FARP1: variants seen among roughly 807,000 people sequenced by gnomAD.
The protein encoded by FARP1 is FERM, ARHGEF and pleckstrin domain-containing protein 1.
In FARP1, 52 loss-of-function variants were observed where a neutral mutation model predicts 128.8. The ratio of observed to expected loss-of-function variants is 0.40; its 90% CI spans 0.32 to 0.51. The LOEUF is 0.51. Among genes scored for constraint, FARP1 ranks in the 20% least tolerant of loss-of-function variants. FARP1 has a pLI of 0.45. For synonymous variants in FARP1, 580 were observed against 551.8 expected, an observed-to-expected ratio of 1.05 and a Z score of -0.72; for missense variants, 1,333 against 1,367.9, an observed-to-expected ratio of 0.97 and a Z score of 0.40.
At chr13:98,177,609 T>C (rs1395895878) in intron 1 of FARP1, among the ~76,000 whole-genome samples, 2 of 151,496 alleles carry the variant, frequency 1.3e-5, no homozygotes, top group Non-Finnish European at 2.9e-5. Flanking sequence ...ATCACGCCAC[T>C]GTACTCTAGC....
In FARP1 at chr13:98,448,220, C is replaced by T. The variant is rs9517310; in HGVS notation, c.3057-16C>T. On this transcript the variant is annotated splice_polypyrimidine_tract_variant and intron_variant, in intron 26 of 26. Transcript: ENST00000319562. ...TCCAAACAAAAGGTTGACTAACTGGCGTTCCCGTGTTGCAGGTGGATGGAA... is the reference window on the plus strand; with the variant it reads ...TCCAAACAAAAGGTTGACTAACTGGTGTTCCCGTGTTGCAGGTGGATGGAA... 0.28 allele frequency: 447,347 copies of T among 1,607,738 alleles called. 64,944 individuals are homozygous for T. The highest frequency in any genetic ancestry group is 0.3 in the Non-Finnish European group (355,944 of 1,174,466).
At chr13:98,336,110 G>C (rs565016879) in intron 2 of FARP1, among the ~76,000 whole-genome samples, 2 of 152,280 alleles carry the variant, frequency 1.3e-5, no homozygotes, top group South Asian at 2.1e-4. Flanking sequence ...GGTAGGGAGA[G>C]GGAGAATATA....
intron 6 of FARP1, among the ~76,000 whole-genome samples, chr13:98,382,805 G>A (rs748079045): frequency 1.3e-5 from 2 of 151,700 alleles, no homozygotes; most frequent in Non-Finnish European, 2.9e-5. Context: ...TCGCATTTTT[G>A]TGCATGTTTT....
intron 2 of FARP1, among the ~76,000 whole-genome samples, chr13:98,213,918 G>A (rs1880896954): frequency 6.6e-6 from 1 of 152,146 alleles, no homozygotes; most frequent in African/African-American, 2.4e-5. Context: ...AGGGAATCAG[G>A]AGAGCCTGTG....
chr13:98,255,227 C>T (rs1300696658), intron 2 of FARP1, among the ~76,000 whole-genome samples: 3 of 151,946 alleles, frequency 2.0e-5, no homozygotes, highest in Admixed American at 6.6e-5. Flanking sequence ...TGGCCGGGCA[C>T]GGTGGCTCAC....
At chr13:98,177,002 C>G (rs758424880) in intron 1 of FARP1, 1 of 1,597,604 alleles carries the variant, frequency 6.3e-7, no homozygotes, top group East Asian at 2.2e-5. Context: ...CCCCTCCTGT[C>G]GCCGTGAGCC....
At chr13:98,292,672 G>T (rs1411127207) in intron 2 of FARP1, among the ~76,000 whole-genome samples, 2 of 152,176 alleles carry the variant, frequency 1.3e-5, no homozygotes, top group African/African-American at 4.8e-5. Context: ...CAGTACTGAT[G>T]GAGAACATAG....
At chr13:98,278,187 G>C (rs1020994227) in intron 2 of FARP1, among the ~76,000 whole-genome samples, 3 of 151,248 alleles carry the variant, frequency 2.0e-5, no homozygotes, top group African/African-American at 7.3e-5. Flanking sequence ...GTGTGTGTGT[G>C]TGTATGTTCT....
chr13:98,393,497 A>G, intron 11 of FARP1, 146 bp from the exon 12 acceptor site: 1 of 646,468 alleles, frequency 1.5e-6, no homozygotes, highest in Non-Finnish European at 2.8e-6. Flanking sequence ...GTTTCCAAGT[A>G]GCATTTGTAA....
rs965019304 is a variant in FARP1, at chr13:98,393,605, C to G, written c.1089-38C>G. ...AAACCAAGGAAAAAGAAACAAAAAC[C>G]TCACCTAACTTTAATGATCTTGTGT... On this transcript the variant is annotated intron_variant, in intron 11 of 26. Coordinates refer to ENST00000319562, the MANE Select transcript of FARP1 (RefSeq NM_005766.4). 1.9e-6 allele frequency: 3 copies of G among 1,539,032 alleles called. No individual in the cohort carries two copies. The African/African-American group carries it at 4.1e-5, about 21-fold the overall frequency.
intron 3 of FARP1, among the ~76,000 whole-genome samples, chr13:98,355,525 T>C (rs928609960): frequency 1.3e-5 from 2 of 152,124 alleles, no homozygotes; most frequent in African/African-American, 4.8e-5. Flanking sequence ...ATGCACATTC[T>C]CAGGGCCGCA....
intron 2 of FARP1, among the ~76,000 whole-genome samples, chr13:98,317,996 A>ATCCTCC (rs1461768016): frequency 1.0e-5 from 1 of 97,482 alleles, no homozygotes; most frequent in Non-Finnish European, 2.1e-5. Flanking sequence ...CCTCTTCCTC[A>ATCCTCC]TCCTCCTCCT....
chr13:98,281,835 A>G (rs1255227275), intron 2 of FARP1, among the ~76,000 whole-genome samples: 1 of 152,078 alleles, frequency 6.6e-6, no homozygotes, highest in South Asian at 2.1e-4. Flanking sequence ...TTTTCTGTTA[A>G]CTGAAATTTG....
At chr13:98,336,102 T>A (rs72655171) in intron 2 of FARP1, among the ~76,000 whole-genome samples, 21,909 of 152,174 alleles carry the variant, frequency 0.14, 1,725 homozygotes, top group East Asian at 0.25. Context: ...TTTAATGTGG[T>A]AGGGAGAGGG....
At chr13:98,145,054 G>A (rs1379985063) in intron 1 of FARP1, among the ~76,000 whole-genome samples, 1 of 152,176 alleles carries the variant, frequency 6.6e-6, no homozygotes, top group Non-Finnish European at 1.5e-5. Context: ...AGAATGTCTG[G>A]CTAATAGATC....
rs1491173014 is a variant in FARP1, at chr13:98,200,393, C to CA, written c.-23-12827_-23-12826insA. Among the ~76,000 whole-genome samples, 16 of 144,946 alleles carry CA rather than the reference C, an allele frequency of 1.1e-4. No homozygotes were observed. In the South Asian group the frequency reaches 2.7e-3, roughly 24 times the overall value. On this transcript the variant is annotated intron_variant, in intron 1 of 26. Coordinates refer to ENST00000319562, the MANE Select transcript of FARP1 (RefSeq NM_005766.4). ...CACCTGGAATGCAACCTTCACCCCC[C>CA]CCCCCTCCCCTTTGTGATTCAGTGG...
At chr13:98,348,779 A>G (rs1249430254) in intron 3 of FARP1, among the ~76,000 whole-genome samples, 1 of 152,140 alleles carries the variant, frequency 6.6e-6, no homozygotes, top group East Asian at 1.9e-4. Context: ...GTAAAAGCCA[A>G]TCTCTGCTTC....
At position 98,452,909 on chromosome 13, in the gene FARP1, A is replaced by G. The variant is rs1893263863; in HGVS notation, c.*4592A>G. ...GACACTTTCCTGGAATATGTGCACT[A>G]TGGTTAAAATTAAAAACAAAAGTAA... On this transcript the variant is annotated 3_prime_UTR_variant, in exon 27 of 27. Transcript: ENST00000319562. The G allele has an allele frequency of 5.1e-6, 2 of 388,868 alleles. No homozygotes were observed. The highest frequency in any genetic ancestry group is 2.1e-5 in the African/African-American group (1 of 48,140). The allele number at this position is 388,868 out of a possible 1,614,324, so 24.1% of individuals were successfully genotyped here.
At chr13:98,408,946 A>G (rs768381599) in intron 13 of FARP1, among the ~76,000 whole-genome samples, 7 of 152,100 alleles carry the variant, frequency 4.6e-5, no homozygotes, top group Non-Finnish European at 5.9e-5. Flanking sequence ...CTGTTAGTAT[A>G]GTTGTATTTT....
Sources: allele counts gnomAD v4.1 joint callset (sites outside exome capture counted in the v4.1 genomes callset), GRCh38; gene constraint gnomAD v4.1.1; transcripts MANE v1.5; gene names NCBI Gene and HGNC (gene_info 2026-07-23, HGNC 2026-07-21).